PLCZ1: variants seen among roughly 807,000 people sequenced by gnomAD.
PLCZ1 encodes phospholipase C zeta 1.
A neutral mutation model predicts 76.8 loss-of-function variants in PLCZ1; 64 were observed. That is an observed-to-expected ratio of 0.83 (90% CI 0.68 to 1.03). PLCZ1 has a LOEUF of 1.03. PLCZ1 is among the 50% of genes least tolerant of loss of function. The probability of loss-of-function intolerance (pLI) is 0.00; values close to 1 mark genes in which losing one functional copy is unlikely to be tolerated. For missense variants in PLCZ1, 751 were observed against 713.7 expected, an observed-to-expected ratio of 1.05 and a Z score of -0.60; for synonymous variants, 248 against 230.8, an observed-to-expected ratio of 1.07 and a Z score of -0.68.
chr12:18,735,894 G>A (rs967073221), intron 3 of PLCZ1: 1 of 174,170 alleles, frequency 5.7e-6, no homozygotes, highest in African/African-American at 2.4e-5. Flanking sequence ...GCTAACTTTG[G>A]GCTTATTCTC....
At chr12:18,712,764 C>T (rs1957493279) in intron 6 of PLCZ1, 78 bp downstream of exon 6, 2 of 1,516,714 alleles carry the variant, frequency 1.3e-6, no homozygotes, top group Admixed American at 3.4e-5. Context: ...TAAGGCTAAG[C>T]ATTATAGGAT....
At chr12:18,647,938 A>T in the PLCZ1 span, 15 of 1,601,202 alleles carry the variant, frequency 9.4e-6, no homozygotes, top group Non-Finnish European at 1.3e-5. Flanking sequence ...TGAAGAGTAA[A>T]ACTGTATTTG....
At chr12:18,658,730 C>A in the PLCZ1 span, among the ~76,000 whole-genome samples, 2 of 152,028 alleles carry the variant, frequency 1.3e-5, no homozygotes, top group African/African-American at 4.8e-5. Context: ...CATATAAATT[C>A]TTTTAGAAGG....
At chr12:18,707,940 A>G (rs1480805109) in intron 6 of PLCZ1, among the ~76,000 whole-genome samples, 1 of 152,220 alleles carries the variant, frequency 6.6e-6, no homozygotes, top group Non-Finnish European at 1.5e-5. Flanking sequence ...AGATAGTAAG[A>G]AGGTTATTAC....
At chr12:18,648,208 T>C in the PLCZ1 span, 10 of 356,608 alleles carry the variant, frequency 2.8e-5, no homozygotes, top group Non-Finnish European at 5.0e-5. Flanking sequence ...CTTTCATTGT[T>C]TTTTCATAAT....
chr12:18,711,686 G>T (rs1000399767), intron 6 of PLCZ1, among the ~76,000 whole-genome samples: 1 of 151,932 alleles, frequency 6.6e-6, no homozygotes, highest in Non-Finnish European at 1.5e-5. Context: ...AGATGGGGAA[G>T]ATCGTGGCGA....
chr12:18,698,640 CT>C (rs1416169877), intron 10 of PLCZ1, among the ~76,000 whole-genome samples: 1 of 151,896 alleles, frequency 6.6e-6, no homozygotes, highest in Non-Finnish European at 1.5e-5. Context: ...ATTTTTTTAA[CT>C]TTTAATTTTT....
chr12:18,692,875 T>C (rs1341020824), intron 12 of PLCZ1: 2 of 1,602,310 alleles, frequency 1.2e-6, no homozygotes, highest in African/African-American at 2.7e-5. Flanking sequence ...CCAACTACAG[T>C]GGGGAAAAAG....
At chr12:18,650,116 C>T in the PLCZ1 span, among the ~76,000 whole-genome samples, 1 of 152,006 alleles carries the variant, frequency 6.6e-6, no homozygotes, top group African/African-American at 2.4e-5. Context: ...ACTCAATATT[C>T]CCTTGAATTG....
intron 3 of PLCZ1, among the ~76,000 whole-genome samples, chr12:18,729,559 G>A (rs886983649): frequency 1.3e-5 from 2 of 151,954 alleles, no homozygotes; most frequent in African/African-American, 2.4e-5. Flanking sequence ...TGAAGACTCA[G>A]GGCAAATCCA....
In PLCZ1 at chr12:18,683,295, T is replaced by C. The variant is rs1220668097; in HGVS notation, c.1771A>G (p.Met591Val). ...GAAGCAGGCTCAAGGCTCTCACCCATTCTGGAAAACAGAGGAATACGACGA... is the reference window on the plus strand; with the variant it reads ...GAAGCAGGCTCAAGGCTCTCACCCACTCTGGAAAACAGAGGAATACGACGA... ...GYRRIPLFSR[M>V]GESLEPASLF... The change falls in exon 15 of 15, where the codon ATG (methionine) becomes GTG (valine). Residue 591 changes from methionine (M) to valine (V), a missense_variant. By Grantham distance (21) the Met-to-Val change is conservative. Coordinates refer to ENST00000266505, the MANE Select transcript of PLCZ1 (RefSeq NM_033123.4). 3.1e-6 allele frequency: 5 copies of C among 1,612,416 alleles called. No individual in the cohort carries two copies. Among genetic ancestry groups the C allele is most frequent in the Non-Finnish European group, 4.2e-6 (5 of 1,179,010 alleles).
chr12:18,725,458 A>G (rs1357432384), intron 3 of PLCZ1, among the ~76,000 whole-genome samples: 1 of 152,112 alleles, frequency 6.6e-6, no homozygotes, highest in Admixed American at 6.6e-5. Flanking sequence ...AACTAACTCT[A>G]AGACCACCCA....
intron 3 of PLCZ1, among the ~76,000 whole-genome samples, chr12:18,726,308 T>G (rs1371325447): frequency 6.6e-6 from 1 of 152,160 alleles, no homozygotes; most frequent in African/African-American, 2.4e-5. Flanking sequence ...ATAAGAGTAA[T>G]AAAATCATTT....
the PLCZ1 span, among the ~76,000 whole-genome samples, chr12:18,654,294 TAAAA>T: frequency 7.7e-5 from 11 of 142,666 alleles, no homozygotes; most frequent in African/African-American, 7.7e-5. Flanking sequence ...CACTAGTACC[TAAAA>T]AAAAAAAAAA....
the PLCZ1 span, among the ~76,000 whole-genome samples, chr12:18,662,435 A>G: frequency 6.6e-6 from 1 of 152,110 alleles, no homozygotes; most frequent in Non-Finnish European, 1.5e-5. Flanking sequence ...TTATGACCCT[A>G]GATCTACCCT....
At chr12:18,693,819 G>A in intron 12 of PLCZ1, 1 of 1,528,106 alleles carries the variant, frequency 6.5e-7, no homozygotes, top group Non-Finnish European at 9.1e-7. Flanking sequence ...GGCCGCATTG[G>A]CAGGAAGATT....
intron 12 of PLCZ1, among the ~76,000 whole-genome samples, chr12:18,691,974 A>C (rs1306574324): frequency 6.6e-6 from 1 of 152,166 alleles, no homozygotes; most frequent in African/African-American, 2.4e-5. Context: ...AGCTGAGATA[A>C]AGTGGCTAGG....
At chr12:18,689,360 C>T (rs776610871) in intron 12 of PLCZ1, among the ~76,000 whole-genome samples, 3 of 152,160 alleles carry the variant, frequency 2.0e-5, no homozygotes, top group Admixed American at 6.5e-5. Context: ...GTCCAACCTG[C>T]GGGCCACATG....
At chr12:18,728,463 G>A (rs79572497) in intron 3 of PLCZ1, among the ~76,000 whole-genome samples, 2,398 of 152,176 alleles carry the variant, frequency 0.016, 19 homozygotes, top group South Asian at 0.023. Flanking sequence ...AGAAGTAGCC[G>A]TTAAGAGTCA....
Sources: gnomAD v4.1 joint callset for allele counts (sites outside exome capture counted in the v4.1 genomes callset) on GRCh38, gnomAD v4.1.1 for gene constraint, MANE v1.5 for transcripts, NCBI Gene and HGNC (gene_info 2026-07-23, HGNC 2026-07-21) for gene names.